Variants in SCMH1 observed in about 807,000 individuals in gnomAD.
The protein encoded by SCMH1 is Scm polycomb group protein homolog 1, also known as polycomb protein SCMH1.
SCMH1 carries 37 observed loss-of-function variants against 70.8 expected under a neutral mutation model. The ratio of observed to expected loss-of-function variants is 0.52; its 90% CI spans 0.40 to 0.69. SCMH1 has a LOEUF of 0.69. SCMH1 is among the 30% of genes least tolerant of loss of function. The pLI, the probability that SCMH1 is intolerant of heterozygous loss-of-function variation, is 0.00. For missense variants in SCMH1, 607 were observed against 827.3 expected, an observed-to-expected ratio of 0.73 and a Z score of 3.27; for synonymous variants, 292 against 307.4, an observed-to-expected ratio of 0.95 and a Z score of 0.52.
At chr1:41,034,766 A>G (rs1645057342) in intron 13 of SCMH1, among the ~76,000 whole-genome samples, 1 of 152,172 alleles carries the variant, frequency 6.6e-6, no homozygotes, top group South Asian at 2.1e-4. Context: ...TGCTGCTTCT[A>G]GACCATCCTC....
At chr1:41,147,532 T>C (rs968522020) in intron 5 of SCMH1, among the ~76,000 whole-genome samples, 1 of 152,162 alleles carries the variant, frequency 6.6e-6, no homozygotes, top group Non-Finnish European at 1.5e-5. Flanking sequence ...TGGACAGTAT[T>C]CTATGTATGT....
chr1:41,166,909 TTG>T (rs1447959847), intron 2 of SCMH1, among the ~76,000 whole-genome samples: 2 of 152,280 alleles, frequency 1.3e-5, no homozygotes, highest in South Asian at 2.1e-4. Flanking sequence ...GCGGGCATCC[TTG>T]TCTTGTTCTA....
Position 41,235,989 on chromosome 1 carries a change from T to C in SCMH1, c.-118+6070A>G, listed in dbSNP as rs142321353. On this transcript the variant is annotated intron_variant, in intron 1 of 14. Transcript: ENST00000337495. ...AATATACCACAATATTTTCATTCTT[T>C]TACTGACAGGCATTTAGACTAGTTC... Among the ~76,000 whole-genome samples, 95 of 152,358 alleles carry C rather than the reference T, an allele frequency of 6.2e-4. 1 individual carries two copies. In the East Asian group the frequency reaches 0.015, roughly 23 times the overall value.
chr1:41,044,380 T>C (rs1646639181), intron 12 of SCMH1, among the ~76,000 whole-genome samples: 1 of 151,688 alleles, frequency 6.6e-6, no homozygotes, highest in African/African-American at 2.4e-5. Flanking sequence ...AGGTAAGTAA[T>C]CAGAAAAACA....
intron 6 of SCMH1, among the ~76,000 whole-genome samples, chr1:41,127,393 TA>T (rs1673473755): frequency 6.6e-6 from 1 of 152,182 alleles, no homozygotes; most frequent in South Asian, 2.1e-4. Context: ...GAATCATATT[TA>T]AAAAGGCTTT....
intron 12 of SCMH1, among the ~76,000 whole-genome samples, chr1:41,038,905 A>G (rs545996744): frequency 6.6e-6 from 1 of 152,346 alleles, no homozygotes; most frequent in Admixed American, 6.5e-5. Flanking sequence ...CTAGACAAGT[A>G]GCTTGTCTTC....
At chr1:41,100,806 C>T (rs574683811) in intron 8 of SCMH1, among the ~76,000 whole-genome samples, 78 of 152,124 alleles carry the variant, frequency 5.1e-4, no homozygotes, top group Admixed American at 4.7e-3. Flanking sequence ...CCCCGTGATC[C>T]GCCTGCCTTG....
intron 1 of SCMH1, among the ~76,000 whole-genome samples, chr1:41,219,955 A>G (rs1658915665): frequency 6.6e-6 from 1 of 151,998 alleles, no homozygotes; most frequent in African/African-American, 2.4e-5. Flanking sequence ...AAAGTACTAT[A>G]CAAGATACAA....
chr1:41,176,876 C>G lies in SCMH1; in HGVS notation c.13+9245G>C, dbSNP rs187811378. On this transcript the variant is annotated intron_variant, in intron 2 of 14. Transcript: ENST00000337495. The stretch of plus-strand genomic sequence containing the variant: ...AGAATCCTCTGCAGACTTAAATGTC[C>G]GTCTGACAGCTTTGAAGAGAGTAGT... Among the ~76,000 whole-genome samples the G allele has an allele frequency of 3.9e-5, 6 of 152,276 alleles. No homozygotes were observed. The East Asian group carries it at 1.2e-3, about 29-fold the overall frequency.
At chr1:41,234,049 A>G (rs948209296) in intron 1 of SCMH1, among the ~76,000 whole-genome samples, 3 of 152,024 alleles carry the variant, frequency 2.0e-5, no homozygotes, top group African/African-American at 7.2e-5. Context: ...GGCAGATTCC[A>G]CCCACTGAAA....
At chr1:41,079,192 C>T (rs1197637013) in intron 8 of SCMH1, among the ~76,000 whole-genome samples, 1 of 151,472 alleles carries the variant, frequency 6.6e-6, no homozygotes, top group African/African-American at 2.4e-5. Flanking sequence ...CAAAAGAAGG[C>T]AAGAAAGGAG....
chr1:41,059,659 C>T (rs1181347515), intron 10 of SCMH1, among the ~76,000 whole-genome samples: 2 of 152,218 alleles, frequency 1.3e-5, no homozygotes, highest in East Asian at 3.8e-4. Context: ...CTGGTTTACA[C>T]TTAAGCCATC....
At chr1:41,121,593 A>G (rs1671966834) in intron 6 of SCMH1, among the ~76,000 whole-genome samples, 1 of 152,148 alleles carries the variant, frequency 6.6e-6, no homozygotes, top group South Asian at 2.1e-4. Context: ...GTGCTCAGTC[A>G]TTGCTTCTGT....
intron 9 of SCMH1, among the ~76,000 whole-genome samples, chr1:41,074,381 A>G (rs1054011058): frequency 6.6e-6 from 1 of 152,234 alleles, no homozygotes; most frequent in Non-Finnish European, 1.5e-5. Flanking sequence ...TCAATTTACT[A>G]TAAAATAACA....
intron 2 of SCMH1, among the ~76,000 whole-genome samples, chr1:41,178,203 C>T (rs1298979276): frequency 6.6e-6 from 1 of 152,122 alleles, no homozygotes; most frequent in East Asian, 1.9e-4. Flanking sequence ...GATTTTGTCA[C>T]CACCAGGACT....
intron 7 of SCMH1, among the ~76,000 whole-genome samples, chr1:41,114,898 G>A (rs541513137): frequency 2.6e-5 from 4 of 151,914 alleles, no homozygotes; most frequent in East Asian, 1.9e-4. Context: ...AGCTGGTCTC[G>A]AACTCCTGAC....
chr1:41,194,921 C>T (rs893960438), intron 1 of SCMH1, among the ~76,000 whole-genome samples: 4 of 151,952 alleles, frequency 2.6e-5, no homozygotes, highest in South Asian at 4.2e-4. Context: ...GTGGGTGGAT[C>T]GGGAGTTCAA....
chr1:41,194,363 A>T (rs1329191756), intron 1 of SCMH1, among the ~76,000 whole-genome samples: 1 of 152,222 alleles, frequency 6.6e-6, no homozygotes, highest in African/African-American at 2.4e-5. Context: ...AGCTATATCA[A>T]ATAGGAAATC....
Position 41,071,055 on chromosome 1 carries a change from C to T in SCMH1, c.979-334G>A, listed in dbSNP as rs544576878. Among the ~76,000 whole-genome samples the T allele has an allele frequency of 9.9e-5, 15 of 152,068 alleles. No individual in the cohort carries two copies. In the South Asian group the frequency reaches 3.1e-3, roughly 32 times the overall value. ...CAAAATATGCCATAGTTTAAGTCTG[C>T]TTTGACATTACTTTGTACTTTATTT... On this transcript the variant is annotated intron_variant, in intron 9 of 14. Coordinates refer to ENST00000337495, the Ensembl canonical transcript of SCMH1.
Sources: allele counts gnomAD v4.1 joint callset (sites outside exome capture counted in the v4.1 genomes callset), GRCh38; gene constraint gnomAD v4.1.1; transcripts MANE v1.5; gene names NCBI Gene and HGNC (gene_info 2026-07-23, HGNC 2026-07-21).